Variants in SLC24A2 observed in about 807,000 individuals in gnomAD.
The protein encoded by SLC24A2 is solute carrier family 24 member 2.
In SLC24A2, 36 loss-of-function variants were observed where a neutral mutation model predicts 62.0. The ratio of observed to expected loss-of-function variants is 0.58; its 90% confidence interval spans 0.44 to 0.77. The LOEUF (loss-of-function observed/expected upper bound fraction) is 0.77, where lower values mean the gene tolerates loss of function less well. Ranked by LOEUF, SLC24A2 falls within the 30% of genes least tolerant of loss-of-function variation. The pLI is 0.00. For missense variants in SLC24A2, 846 were observed against 817.9 expected, an observed-to-expected ratio of 1.03 and a Z score of -0.42; for synonymous variants, 358 against 294.0, an observed-to-expected ratio of 1.22 and a Z score of -2.23.
chr9:19,833,636 C>T, the SLC24A2 span, among the ~76,000 whole-genome samples: 5 of 152,232 alleles, frequency 3.3e-5, no homozygotes, highest in African/African-American at 9.6e-5. Context: ...CCTCTGTAGG[C>T]TCCACCTCTG....
chr9:19,547,992 T>A (rs1285408440), intron 8 of SLC24A2, among the ~76,000 whole-genome samples: 1 of 151,630 alleles, frequency 6.6e-6, no homozygotes, highest in Non-Finnish European at 1.5e-5. Context: ...GTATCTTGAA[T>A]AAAGAAACTT....
At chr9:20,090,369 C>T in the SLC24A2 span, among the ~76,000 whole-genome samples, 5 of 152,150 alleles carry the variant, frequency 3.3e-5, no homozygotes, top group Admixed American at 1.3e-4. Flanking sequence ...CCAGAGCTGT[C>T]GTGGGTAGCC....
chr9:20,283,879 G>A, the SLC24A2 span, among the ~76,000 whole-genome samples: 1 of 152,092 alleles, frequency 6.6e-6, no homozygotes, highest in Non-Finnish European at 1.5e-5. Flanking sequence ...GCGTGTTTAG[G>A]GAGTTATACG....
the SLC24A2 span, among the ~76,000 whole-genome samples, chr9:20,255,798 T>A: frequency 6.6e-6 from 1 of 152,216 alleles, no homozygotes; most frequent in Non-Finnish European, 1.5e-5. Flanking sequence ...AGAAAGTGTG[T>A]CAAAGAATTC....
chr9:19,720,837 ATGTGTGTGTGTGTGTGTGTGTGTGTG>A (rs10692458), intron 2 of SLC24A2, among the ~76,000 whole-genome samples: 1 of 140,436 alleles, frequency 7.1e-6, no homozygotes. Context: ...ATGTGGAATG[ATGTGTGTGTGTGTGTGTGTGTGTGTG>A]TGTGTGTGTG....
chr9:19,749,791 C>T (rs1021785758), intron 2 of SLC24A2, among the ~76,000 whole-genome samples: 3 of 152,180 alleles, frequency 2.0e-5, no homozygotes, highest in African/African-American at 7.2e-5. Flanking sequence ...TAGTGGGACT[C>T]AGTGGGGTTT....
At chr9:19,767,621 G>A (rs914083069) in intron 2 of SLC24A2, among the ~76,000 whole-genome samples, 24 of 152,134 alleles carry the variant, frequency 1.6e-4, no homozygotes, top group African/African-American at 5.1e-4. Context: ...CTTACCCTCT[G>A]TGGGCTGCAT....
Position 19,514,714 on chromosome 9 carries a change from G to A in SLC24A2, c.*1439C>T, listed in dbSNP as rs1216209331. On this transcript the variant is annotated 3_prime_UTR_variant, in exon 11 of 11. Coordinates refer to ENST00000341998, the MANE Select transcript of SLC24A2 (RefSeq NM_020344.4). ...CAAATACCGTGTACTCTAAAACTTA[G>A]ACAGAATCCCAGATAAGGTCTTGAT... 6.6e-6 allele frequency: 1 copy of A among 152,122 alleles called. No homozygotes were observed. The highest frequency in any genetic ancestry group is 1.5e-5 in the Non-Finnish European group (1 of 68,006). The allele number at this position is 152,122 out of a possible 1,614,324, so 9.4% of individuals were successfully genotyped here. A position where few individuals can be genotyped will look rare whatever the true frequency, so the allele number is the denominator to read the frequency against.
chr9:20,188,619 A>C, the SLC24A2 span, among the ~76,000 whole-genome samples: 1 of 152,194 alleles, frequency 6.6e-6, no homozygotes, highest in Non-Finnish European at 1.5e-5. Context: ...GGCTTGATGT[A>C]GTCACAGTGG....
intron 2 of SLC24A2, among the ~76,000 whole-genome samples, chr9:19,657,055 T>C (rs116646886): frequency 0.018 from 2,678 of 152,322 alleles, 74 homozygotes; most frequent in African/African-American, 0.059. Flanking sequence ...TGCCCCCATC[T>C]CTGGCTTCTA....
intron 2 of SLC24A2, among the ~76,000 whole-genome samples, chr9:19,633,634 G>A (rs943885353): frequency 5.3e-5 from 8 of 152,102 alleles, no homozygotes; most frequent in Non-Finnish European, 1.5e-5. Context: ...CTCCCAAATC[G>A]CTGGGGTTAC....
At chr9:19,626,055 C>A (rs997336379) in intron 2 of SLC24A2, among the ~76,000 whole-genome samples, 1 of 152,126 alleles carries the variant, frequency 6.6e-6, no homozygotes, top group African/African-American at 2.4e-5. Context: ...TCCATTTATG[C>A]TTGCATCCCA....
the SLC24A2 span, among the ~76,000 whole-genome samples, chr9:20,033,474 C>T: frequency 1.1e-5 from 1 of 93,510 alleles, no homozygotes; most frequent in Non-Finnish European, 2.3e-5. Flanking sequence ...TTGTGACTCC[C>T]TTTTACTTTT....
At chr9:19,900,537 G>A in the SLC24A2 span, among the ~76,000 whole-genome samples, 2 of 152,160 alleles carry the variant, frequency 1.3e-5, no homozygotes, top group Admixed American at 6.5e-5. Flanking sequence ...CAGGCCTTGG[G>A]AAATTAACAT....
At chr9:20,066,418 A>AG in the SLC24A2 span, among the ~76,000 whole-genome samples, 9 of 152,176 alleles carry the variant, frequency 5.9e-5, no homozygotes, top group African/African-American at 1.9e-4. Flanking sequence ...AGAATTAGAA[A>AG]GGGGGGAAAC....
chr9:19,676,182 C>G (rs189178141), intron 2 of SLC24A2, among the ~76,000 whole-genome samples: 1 of 152,106 alleles, frequency 6.6e-6, no homozygotes, highest in African/African-American at 2.4e-5. Context: ...GTGGATGATC[C>G]CCCTTTCACA....
At chr9:20,116,778 T>C in the SLC24A2 span, among the ~76,000 whole-genome samples, 1,322 of 152,248 alleles carry the variant, frequency 8.7e-3, 17 homozygotes, top group Non-Finnish European at 0.01. Flanking sequence ...ATCAGTTCAT[T>C]GACTCTGAGG....
chr9:19,717,150 C>A (rs896890881), intron 2 of SLC24A2, among the ~76,000 whole-genome samples: 2 of 152,134 alleles, frequency 1.3e-5, no homozygotes, highest in Non-Finnish European at 2.9e-5. Context: ...GATGTAGAGG[C>A]AGAATTAGAA....
At chr9:20,036,414 G>C in the SLC24A2 span, among the ~76,000 whole-genome samples, 2 of 134,336 alleles carry the variant, frequency 1.5e-5, no homozygotes, top group Non-Finnish European at 3.1e-5. Flanking sequence ...TTGTGCAATA[G>C]AACTTAGAAA....
Sources: gnomAD v4.1 joint callset for allele counts (sites outside exome capture counted in the v4.1 genomes callset) on GRCh38, gnomAD v4.1.1 for gene constraint, MANE v1.5 for transcripts, NCBI Gene and HGNC (gene_info 2026-07-23, HGNC 2026-07-21) for gene names.